ACCSL: variants seen among roughly 807,000 people sequenced by gnomAD.
ACCSL encodes 1-aminocyclopropane-1-carboxylate synthase homolog (inactive) like, also known as probable inactive 1-aminocyclopropane-1-carboxylate synthase-like protein 2.
ACCSL carries 55 observed loss-of-function variants against 61.7 expected under a neutral mutation model. The ratio of observed to expected loss-of-function variants is 0.89; its 90% CI spans 0.72 to 1.12. The LOEUF (loss-of-function observed/expected upper bound fraction) is 1.12, where lower values mean the gene tolerates loss of function less well. ACCSL is among the 50% of genes most tolerant of loss of function. ACCSL has a pLI of 0.00. For missense variants in ACCSL, 632 were observed against 698.0 expected (o/e 0.91, Z 1.07); for synonymous variants, 258 against 264.3 (o/e 0.98, Z 0.23).
rs746976918 is a variant in ACCSL, at chr11:44,058,592, G to A, written c.1517G>A (p.Arg506His). ...GAAGAAGAACGGCTCCTCTATTGCC[G>A]CTTCCTGGACAACAAGCTATTGTTA... is the stretch of plus-strand genomic sequence containing the variant. ...TFEEERLLYC[R>H]FLDNKLLLSR... Residue 506 changes from arginine (R) to histidine (H), a missense_variant, in exon 13 of 14, where the codon CGC becomes CAC. Physicochemically the swap from Arg to His is conservative, Grantham distance 29 (BLOSUM62 0). Coordinates refer to ENST00000378832, the MANE Select transcript of ACCSL (RefSeq NM_001031854.2). The A allele has an allele frequency of 1.7e-5, 28 of 1,613,950 alleles. No individual in the cohort carries two copies. The highest frequency in any genetic ancestry group is 1.6e-4 in the Middle Eastern group (1 of 6,084).
At chr11:43,946,636 C>T in the ACCSL span, among the ~76,000 whole-genome samples, 67 of 152,270 alleles carry the variant, frequency 4.4e-4, 1 homozygote, top group African/African-American at 1.6e-3. Context: ...CAGTATGCAT[C>T]GATCCACATC....
intron 6 of ACCSL, 41 bp from the exon 7 acceptor site, chr11:44,052,950 A>C (rs1207736408): frequency 1.9e-6 from 3 of 1,585,768 alleles, no homozygotes; most frequent in Middle Eastern, 3.3e-4. Context: ...ATCAAGACTT[A>C]GATTTTAAGA....
At chr11:43,941,641 C>A in the ACCSL span, among the ~76,000 whole-genome samples, 1 of 152,230 alleles carries the variant, frequency 6.6e-6, no homozygotes, top group African/African-American at 2.4e-5. Context: ...TCAGGGTACT[C>A]ACCCTCAGCA....
At chr11:43,922,402 T>G in the ACCSL span, 1 of 152,250 alleles carries the variant, frequency 6.6e-6, no homozygotes. Context: ...CCCGGGAGCC[T>G]GAGCCTCAGG....
chr11:44,021,312 C>T, the ACCSL span, among the ~76,000 whole-genome samples: 1 of 152,106 alleles, frequency 6.6e-6, no homozygotes, highest in Non-Finnish European at 1.5e-5. Flanking sequence ...TATGGCCATT[C>T]TTGCAGGAGT....
the ACCSL span, among the ~76,000 whole-genome samples, chr11:44,019,937 G>A: frequency 2.0e-5 from 3 of 152,198 alleles, no homozygotes; most frequent in African/African-American, 7.2e-5. Context: ...CATGGTATAA[G>A]GTAGGGGTCT....
the ACCSL span, among the ~76,000 whole-genome samples, chr11:43,954,851 C>T: frequency 1.3e-5 from 2 of 152,144 alleles, no homozygotes; most frequent in Admixed American, 6.5e-5. Flanking sequence ...TCCCAAAGTG[C>T]TGGAATTACA....
chr11:44,006,773 G>A, the ACCSL span, among the ~76,000 whole-genome samples: 5 of 152,048 alleles, frequency 3.3e-5, no homozygotes, highest in African/African-American at 1.2e-4. Context: ...TCAAAGTGCT[G>A]GGAATACAGG....
At chr11:44,002,405 C>T in the ACCSL span, among the ~76,000 whole-genome samples, 2 of 152,180 alleles carry the variant, frequency 1.3e-5, no homozygotes, top group African/African-American at 4.8e-5. Flanking sequence ...GGAAGAAGCC[C>T]CCCGCGTGGT....
chr11:43,943,056 C>G, the ACCSL span: 5 of 1,499,936 alleles, frequency 3.3e-6, no homozygotes, highest in East Asian at 1.4e-4. The surrounding 1 kb of genome is among the most constrained non-coding windows in gnomAD (Gnocchi z 4.8). Context: ...CCGCGCCAGT[C>G]TCGCTTCAAG....
the ACCSL span, among the ~76,000 whole-genome samples, chr11:43,959,571 C>A: frequency 6.6e-6 from 1 of 152,338 alleles, no homozygotes; most frequent in South Asian, 2.1e-4. Context: ...GCAAGAGACA[C>A]AGGAAGAGTC....
chr11:44,038,878 G>A, the ACCSL span, among the ~76,000 whole-genome samples: 1 of 152,060 alleles, frequency 6.6e-6, no homozygotes, highest in Non-Finnish European at 1.5e-5. Flanking sequence ...TACTTGTGTC[G>A]CCACTGTGTC....
At chr11:43,952,140 A>G in the ACCSL span, among the ~76,000 whole-genome samples, 3 of 151,006 alleles carry the variant, frequency 2.0e-5, no homozygotes, top group African/African-American at 4.9e-5. Flanking sequence ...TGCGTGTCTC[A>G]GGGGTTTGGT....
the ACCSL span, among the ~76,000 whole-genome samples, chr11:43,967,258 ACCTCTGCCT>A: frequency 7.4e-6 from 1 of 135,450 alleles, no homozygotes; most frequent in East Asian, 2.4e-4. Flanking sequence ...GCTCACTGCA[ACCTCTGCCT>A]CCCAGGTTCA....
At chr11:44,033,768 G>T in the ACCSL span, among the ~76,000 whole-genome samples, 1 of 152,132 alleles carries the variant, frequency 6.6e-6, no homozygotes, top group Non-Finnish European at 1.5e-5. Flanking sequence ...TGTTTGGGGG[G>T]AGAGTAAACA....
At chr11:44,016,158 G>A in the ACCSL span, among the ~76,000 whole-genome samples, 1 of 152,080 alleles carries the variant, frequency 6.6e-6, no homozygotes, top group Non-Finnish European at 1.5e-5. Context: ...GCCAGGCCTG[G>A]AGCCCCCAGG....
the ACCSL span, among the ~76,000 whole-genome samples, chr11:43,978,190 G>T: frequency 6.6e-6 from 1 of 151,712 alleles, no homozygotes; most frequent in African/African-American, 2.4e-5. Context: ...TGTATTTTTA[G>T]TAGAGACAGG....
the ACCSL span, among the ~76,000 whole-genome samples, chr11:44,041,825 G>C: frequency 6.6e-6 from 1 of 152,104 alleles, no homozygotes; most frequent in Non-Finnish European, 1.5e-5. Context: ...TGTGTAGGAG[G>C]CTGGCTTTTT....
chr11:43,976,400 TA>T, the ACCSL span, among the ~76,000 whole-genome samples: 20 of 152,364 alleles, frequency 1.3e-4, no homozygotes, highest in Non-Finnish European at 2.4e-4. Context: ...GCATTCTACT[TA>T]TATATCCCTT....
Sources: gnomAD v4.1 joint callset for allele counts (sites outside exome capture counted in the v4.1 genomes callset) on GRCh38, gnomAD v4.1.1 for gene constraint, Gnocchi (gnomAD v3.1) non-coding constraint, MANE v1.5 for transcripts, NCBI Gene and HGNC (gene_info 2026-07-23, HGNC 2026-07-21) for gene names.